The following TDRD1 variants were observed in gnomAD, a reference collection of about 807,000 sequenced individuals.
TDRD1 encodes the protein tudor domain-containing protein 1.
Under a neutral mutation model 140.6 loss-of-function variants are expected in TDRD1, and 37 were observed. The ratio of observed to expected loss-of-function variants is 0.26; its 90% CI spans 0.20 to 0.35. The LOEUF is 0.35. TDRD1 is among the 10% of genes least tolerant of loss of function. The pLI, the probability that TDRD1 is intolerant of heterozygous loss-of-function variation, is 1.00. For synonymous variants in TDRD1, 506 were observed against 475.7 expected, an observed-to-expected ratio of 1.06 and a Z score of -0.83; for missense variants, 1,243 against 1,393.0, an observed-to-expected ratio of 0.89 and a Z score of 1.71.
chr10:114,201,730 A>G (rs1276224412), intron 5 of TDRD1, among the ~76,000 whole-genome samples: 2 of 152,196 alleles, frequency 1.3e-5, no homozygotes, highest in Non-Finnish European at 2.9e-5. Flanking sequence ...ATAACCTTCA[A>G]AGAGTTTTTC....
At chr10:114,222,536 ATAG>A (rs1339418401) in intron 20 of TDRD1, 48 bp from the exon 21 acceptor site, 3 of 1,073,296 alleles carry the variant, frequency 2.8e-6, no homozygotes, top group Non-Finnish European at 4.3e-6. Flanking sequence ...TATAGTGTTA[ATAG>A]TAGCACTGGA....
intron 1 of TDRD1, among the ~76,000 whole-genome samples, chr10:114,186,453 A>G (rs1328433071): frequency 2.0e-5 from 3 of 151,962 alleles, no homozygotes; most frequent in Non-Finnish European, 4.4e-5. Flanking sequence ...TTTAGTAGAG[A>G]CGGGGTTTCA....
At position 114,191,559 on chromosome 10, in the gene TDRD1, G is replaced by A. The variant is rs552649539; in HGVS notation, c.384+540G>A. On this transcript the variant is annotated intron_variant, in intron 3 of 25. Transcript: ENST00000251864. The stretch of plus-strand genomic sequence containing the variant: ...TTGATCTAGGTTGTATGCATCAATC[G>A]TTCTATCCTTTTTATTGCTGAGTAG... Among the ~76,000 whole-genome samples, 8 of 152,266 alleles carry A rather than the reference G, an allele frequency of 5.3e-5. No individual in the cohort carries two copies. The South Asian group carries it at 1.7e-3, about 32-fold the overall frequency.
At chr10:114,197,059 C>T (rs1331902825) in intron 3 of TDRD1, among the ~76,000 whole-genome samples, 2 of 151,892 alleles carry the variant, frequency 1.3e-5, no homozygotes, top group Non-Finnish European at 2.9e-5. Context: ...GTTGGCCAGG[C>T]TGGTCTTGAA....
intron 18 of TDRD1, among the ~76,000 whole-genome samples, chr10:114,220,341 A>G (rs899785970): frequency 2.6e-5 from 4 of 152,200 alleles, no homozygotes; most frequent in Admixed American, 1.3e-4. Context: ...ATATGTTAGC[A>G]GAGAACGTAA....
At chr10:114,187,262 A>T (rs1374387116) in intron 1 of TDRD1, among the ~76,000 whole-genome samples, 1 of 152,216 alleles carries the variant, frequency 6.6e-6, no homozygotes, top group Non-Finnish European at 1.5e-5. Flanking sequence ...ATCAAAGCAG[A>T]GGCCTTGGCA....
At chr10:114,184,910 T>C (rs2033395580) in intron 1 of TDRD1, among the ~76,000 whole-genome samples, 1 of 152,228 alleles carries the variant, frequency 6.6e-6, no homozygotes, top group Admixed American at 6.5e-5. Flanking sequence ...GCATGTATGA[T>C]ACTAGTTTTT....
intron 1 of TDRD1, among the ~76,000 whole-genome samples, chr10:114,185,882 C>A (rs1243097087): frequency 6.6e-6 from 1 of 152,236 alleles, no homozygotes; most frequent in African/African-American, 2.4e-5. Flanking sequence ...AGCCACCGTG[C>A]CTGGCCTAAC....
chr10:114,199,210 A>C, exon 4 of TDRD1: 1 of 1,614,014 alleles, frequency 6.2e-7, no homozygotes, highest in Non-Finnish European at 8.5e-7. Context: ...AAATCAAAAA[A>C]ACTAAACAAG....
intron 1 of TDRD1, among the ~76,000 whole-genome samples, chr10:114,182,363 A>G (rs182717525): frequency 1.3e-5 from 2 of 152,342 alleles, no homozygotes; most frequent in Admixed American, 6.5e-5. Context: ...AAATTCCTGA[A>G]TAGGGTGAGT....
At chr10:114,208,718 T>C (rs913607929) in intron 11 of TDRD1, among the ~76,000 whole-genome samples, 2 of 152,152 alleles carry the variant, frequency 1.3e-5, no homozygotes, top group African/African-American at 2.4e-5. Context: ...TACTTCTTAG[T>C]AGTTACTTAA....
intron 20 of TDRD1, 70 bp from the exon 21 acceptor site, chr10:114,222,517 A>C (rs1012586302): frequency 1.3e-6 from 1 of 791,492 alleles, no homozygotes; most frequent in African/African-American, 1.8e-5. Context: ...TAGACTTGCC[A>C]TTCTTTTGTA....
intron 5 of TDRD1, among the ~76,000 whole-genome samples, chr10:114,201,998 C>G (rs1323447070): frequency 1.3e-5 from 2 of 152,176 alleles, no homozygotes; most frequent in Admixed American, 6.5e-5. Context: ...CTGTCTCCCC[C>G]CAACCCTGTC....
At chr10:114,216,927 A>G (rs985273015) in intron 16 of TDRD1, among the ~76,000 whole-genome samples, 1 of 152,220 alleles carries the variant, frequency 6.6e-6, no homozygotes, top group Non-Finnish European at 1.5e-5. Context: ...TCCCTTCTGC[A>G]TTCAGAAGCT....
At chr10:114,213,038 CA>C (rs1183544682) in intron 14 of TDRD1, among the ~76,000 whole-genome samples, 1 of 152,126 alleles carries the variant, frequency 6.6e-6, no homozygotes, top group African/African-American at 2.4e-5. Context: ...TTTTGTTTTA[CA>C]TATTATAGAA....
rs940493046 is a variant in TDRD1, at chr10:114,226,293, C to G, written c.3175+77C>G. On this transcript the variant is annotated intron_variant, in intron 22 of 25. Coordinates refer to ENST00000251864, the Ensembl canonical transcript of TDRD1. ...CTCTTTATGTTTCATAGCTCTAAGT[C>G]GGAATCAAATGGGTATTTCCAGTAA... 33 of 1,046,772 alleles carry G rather than the reference C, an allele frequency of 3.2e-5. No homozygotes were observed. The Middle Eastern group carries it at 6.3e-4, about 20-fold the overall frequency. The allele number at this position is 1,046,772 out of a possible 1,614,324, so 64.8% of individuals were successfully genotyped here.
exon 4 of TDRD1, chr10:114,199,253 A>G (rs922708467): frequency 6.2e-7 from 1 of 1,614,092 alleles, no homozygotes; most frequent in Non-Finnish European, 8.5e-7. Flanking sequence ...TAAGTAATCC[A>G]GGGCTCTTCA....
At chr10:114,190,856 G>C (rs771923572) in intron 2 of TDRD1, 105 bp from the exon 3 acceptor site, 82 of 1,066,100 alleles carry the variant, frequency 7.7e-5, no homozygotes, top group Non-Finnish European at 1.2e-4. Context: ...AGGTCATTGT[G>C]GTATAGCCCT....
chr10:114,226,756 C>T (rs951865584), intron 22 of TDRD1, among the ~76,000 whole-genome samples: 6 of 152,126 alleles, frequency 3.9e-5, no homozygotes, highest in African/African-American at 7.2e-5. Flanking sequence ...AATACCATAC[C>T]GATTGCTTCA....
Sources: gnomAD v4.1 joint callset for allele counts (sites outside exome capture counted in the v4.1 genomes callset) on GRCh38, gnomAD v4.1.1 for gene constraint, MANE v1.5 for transcripts, NCBI Gene and HGNC (gene_info 2026-07-23, HGNC 2026-07-21) for gene names.